Variants in ETF1 observed in about 807,000 individuals in gnomAD.
ETF1 encodes the protein eukaryotic translation termination factor 1.
A neutral mutation model predicts 55.1 loss-of-function variants in ETF1; 4 were observed. The observed-to-expected ratio is 0.07, with a 90% CI of 0.04 to 0.17. The LOEUF (loss-of-function observed/expected upper bound fraction) is 0.17, where lower values mean the gene tolerates loss of function less well. Among genes scored for constraint, ETF1 ranks in the 10% least tolerant of loss-of-function variants. ETF1 has a pLI of 1.00. For synonymous variants in ETF1, 157 were observed against 182.3 expected, an observed-to-expected ratio of 0.86 and a Z score of 1.12; for missense variants, 142 against 523.6, an observed-to-expected ratio of 0.27 and a Z score of 7.11.
rs537740490 is a variant in ETF1 at position 138,536,974 on chromosome 5, G to A, written c.86+5859C>T. Among the ~76,000 whole-genome samples, 6 of 152,296 alleles carry A rather than the reference G, an allele frequency of 3.9e-5. No homozygotes were observed. In the East Asian group the frequency reaches 1.2e-3, roughly 29 times the overall value. On this transcript the variant is annotated intron_variant, in intron 2 of 10. Coordinates refer to ENST00000360541, the MANE Select transcript of ETF1 (RefSeq NM_004730.4). The stretch of plus-strand genomic sequence containing the variant: ...TTGCTTACCTTGCAATATGTCCAGA[G>A]TAAGCCTTCCTTCCCTGGAAGCATA...
chr5:138,524,336 G>A (rs1335178188), intron 2 of ETF1, among the ~76,000 whole-genome samples: 1 of 151,976 alleles, frequency 6.6e-6, no homozygotes. Context: ...CTGGGTGACA[G>A]ACCGAGACTG....
chr5:138,523,814 C>A (rs1221144340), intron 2 of ETF1, among the ~76,000 whole-genome samples: 3 of 152,204 alleles, frequency 2.0e-5, no homozygotes, highest in African/African-American at 7.2e-5. Flanking sequence ...CACTGGTAAT[C>A]CCAGCACTTT....
chr5:138,534,593 G>C (rs1287421917), intron 2 of ETF1, among the ~76,000 whole-genome samples: 1 of 152,206 alleles, frequency 6.6e-6, no homozygotes, highest in Admixed American at 6.5e-5. Flanking sequence ...TAGCATGTCT[G>C]TTTTCTTTTA....
chr5:138,528,515 G>C (rs1475839642), intron 2 of ETF1, among the ~76,000 whole-genome samples: 1 of 152,120 alleles, frequency 6.6e-6, no homozygotes, highest in African/African-American at 2.4e-5. Context: ...TCTTGTTATA[G>C]GATTCCACTT....
intron 2 of ETF1, among the ~76,000 whole-genome samples, chr5:138,537,983 C>T (rs1455225958): frequency 7.4e-6 from 1 of 135,602 alleles, no homozygotes; most frequent in Admixed American, 7.1e-5. Flanking sequence ...ACCTCCACCT[C>T]CCAGGTTCAA....
At chr5:138,510,934 T>C in intron 8 of ETF1, 111 bp downstream of exon 8, 2 of 1,512,018 alleles carry the variant, frequency 1.3e-6, no homozygotes, top group South Asian at 1.3e-5. Flanking sequence ...TGGGGAACAA[T>C]GGGTAGATCT....
chr5:138,526,172 T>C (rs147549772), intron 2 of ETF1, among the ~76,000 whole-genome samples: 27 of 152,190 alleles, frequency 1.8e-4, no homozygotes, highest in Admixed American at 1.4e-3. Context: ...CCAGCTTTAA[T>C]AAAATCTCAC....
At chr5:138,518,506 C>A (rs1373564366) in intron 3 of ETF1, among the ~76,000 whole-genome samples, 186 bp downstream of exon 3, 1 of 152,144 alleles carries the variant, frequency 6.6e-6, no homozygotes, top group Non-Finnish European at 1.5e-5. Flanking sequence ...AGCCACTGTG[C>A]CTGGCCTACT....
At chr5:138,542,637 C>G in intron 2 of ETF1, 196 bp downstream of exon 2, 20 of 1,428,056 alleles carry the variant, frequency 1.4e-5, no homozygotes, top group Non-Finnish European at 1.8e-5. Context: ...CCCTTACCCC[C>G]ATGCGGGGAA....
intron 2 of ETF1, among the ~76,000 whole-genome samples, chr5:138,538,681 AG>A (rs1166613455): frequency 5.9e-5 from 9 of 152,298 alleles, no homozygotes; most frequent in African/African-American, 2.2e-4. Flanking sequence ...AAAAAAAAAA[AG>A]AATGTGAAAT....
chr5:138,535,885 A>C (rs1286523813), intron 2 of ETF1, among the ~76,000 whole-genome samples: 2 of 149,588 alleles, frequency 1.3e-5, no homozygotes, highest in African/African-American at 4.9e-5. Flanking sequence ...AAAAAAAAAA[A>C]AAAAAAAAAA....
chr5:138,526,272 T>A (rs1765468872), intron 2 of ETF1, among the ~76,000 whole-genome samples: 1 of 152,170 alleles, frequency 6.6e-6, no homozygotes, highest in Non-Finnish European at 1.5e-5. Flanking sequence ...GTTAAGTGAC[T>A]AGTAAGAACA....
At chr5:138,521,854 T>C (rs1022637593) in intron 2 of ETF1, among the ~76,000 whole-genome samples, 2 of 152,190 alleles carry the variant, frequency 1.3e-5, no homozygotes, top group South Asian at 2.1e-4. Context: ...TTTTAGAGCA[T>C]GCACTTCCCC....
Position 138,541,663 on chromosome 5 carries a change from T to C in ETF1, c.86+1170A>G, listed in dbSNP as rs1320628271. ...GCTGGAAACCAGAATGTCAAATTCT[T>C]GTGCTGAAATCAACTTTTCACATGG... On this transcript the variant is annotated intron_variant, in intron 2 of 10. Coordinates refer to ENST00000360541, the MANE Select transcript of ETF1 (RefSeq NM_004730.4). 6.0e-6 allele frequency: 9 copies of C among 1,501,808 alleles called. No individual in the cohort carries two copies. The African/African-American group carries it at 7.0e-5, about 12-fold the overall frequency. The allele number at this position is 1,501,808 out of a possible 1,614,324, so 93.0% of individuals were successfully genotyped here.
In ETF1 at chr5:138,543,173, G is replaced by A. The variant is rs1220635614; in HGVS notation, c.-95C>T. 3 of 571,122 alleles carry A rather than the reference G, an allele frequency of 5.3e-6. No individual in the cohort carries two copies. Among genetic ancestry groups the A allele is most frequent in the Admixed American group, 3.2e-5 (1 of 31,214 alleles). 35.4% of individuals were successfully genotyped at this position (571,122 alleles called of 1,614,324 possible). On this transcript the variant is annotated 5_prime_UTR_variant, in exon 1 of 11. Transcript: ENST00000360541. ...CGCGGCGGCGGCGGCTCTGACGTAG[G>A]ACACCGGCTCCCTCTCTCCAGGCAG... is the stretch of plus-strand genomic sequence containing the variant.
chr5:138,537,305 T>C (rs1280301946), intron 2 of ETF1, among the ~76,000 whole-genome samples: 1 of 152,216 alleles, frequency 6.6e-6, no homozygotes, highest in East Asian at 1.9e-4. Context: ...AGTTCTCCAT[T>C]AGGGTATCTC....
intron 1 of ETF1, 68 bp from the exon 2 acceptor site, chr5:138,543,004 G>T: frequency 6.9e-7 from 1 of 1,441,782 alleles, no homozygotes; most frequent in Non-Finnish European, 9.6e-7. Flanking sequence ...GGGGCAGAGC[G>T]GCCCCCTTCC....
chr5:138,534,136 T>C (rs550651646), intron 2 of ETF1, among the ~76,000 whole-genome samples: 1 of 152,174 alleles, frequency 6.6e-6, no homozygotes, highest in Non-Finnish European at 1.5e-5. Context: ...ACCTCCACCC[T>C]AGGGTACAGA....
At chr5:138,517,092 TG>T (rs1765050702) in intron 4 of ETF1, among the ~76,000 whole-genome samples, 1 of 152,082 alleles carries the variant, frequency 6.6e-6, no homozygotes, top group South Asian at 2.1e-4. Flanking sequence ...ATGTCCAGGC[TG>T]GGCGGGGTTG....
Sources: gnomAD v4.1 joint callset for allele counts (sites outside exome capture counted in the v4.1 genomes callset) on GRCh38, gnomAD v4.1.1 for gene constraint, MANE v1.5 for transcripts, NCBI Gene and HGNC (gene_info 2026-07-23, HGNC 2026-07-21) for gene names.